The following CDHR2 variants were observed in gnomAD, a reference collection of about 807,000 sequenced individuals.
The protein encoded by CDHR2 is cadherin-related family member 2.
A neutral mutation model predicts 138.6 loss-of-function variants in CDHR2; 104 were observed. That is an observed-to-expected ratio of 0.75 (90% CI 0.64 to 0.88). CDHR2 has a LOEUF of 0.88. Among genes scored for constraint, CDHR2 ranks in the 40% least tolerant of loss-of-function variants. CDHR2 has a pLI of 0.00. For synonymous variants in CDHR2, 755 were observed against 742.8 expected (o/e 1.02, Z -0.27); for missense variants, 1,624 against 1,727.6 (o/e 0.94, Z 1.06).
chr5:176,561,570 C>T (rs915148558), intron 1 of CDHR2, among the ~76,000 whole-genome samples: 1 of 150,590 alleles, frequency 6.6e-6, no homozygotes, highest in African/African-American at 2.4e-5. Flanking sequence ...CATGGATGGG[C>T]GGAGGAGGCA....
upstream of CDHR2, among the ~76,000 whole-genome samples, chr5:176,546,829 A>C (rs953069654): frequency 2.0e-5 from 3 of 150,916 alleles, no homozygotes; most frequent in Non-Finnish European, 4.4e-5. Flanking sequence ...TAACCCCTGC[A>C]TTGTAATAGT....
intron 21 of CDHR2, among the ~76,000 whole-genome samples, chr5:176,588,712 A>T (rs560586243): frequency 3.8e-3 from 381 of 100,664 alleles, no homozygotes; most frequent in African/African-American, 6.2e-3. Context: ...TGTGTGTGTG[A>T]GTGTGTGTGT....
chr5:176,559,343 G>C (rs755152515), intron 1 of CDHR2, among the ~76,000 whole-genome samples: 1 of 152,166 alleles, frequency 6.6e-6, no homozygotes, highest in African/African-American at 2.4e-5. Flanking sequence ...TTACCGAAAA[G>C]CCCCATAACC....
intron 16 of CDHR2, among the ~76,000 whole-genome samples, chr5:176,581,069 T>C (rs1353174444): frequency 1.3e-5 from 2 of 152,310 alleles, no homozygotes; most frequent in African/African-American, 4.8e-5. Context: ...CTCTATTCTT[T>C]CTTTGCACCT....
intron 21 of CDHR2, 52 bp from the exon 22 acceptor site, chr5:176,588,979 A>T: frequency 6.3e-7 from 1 of 1,597,070 alleles, no homozygotes; most frequent in South Asian, 1.1e-5. Context: ...GCTGGGGTGG[A>T]GGGATGCCTG....
At chr5:176,581,768 G>C (rs1021326334) in intron 17 of CDHR2, among the ~76,000 whole-genome samples, 186 bp downstream of exon 17, 1 of 152,182 alleles carries the variant, frequency 6.6e-6, no homozygotes, top group Non-Finnish European at 1.5e-5. Flanking sequence ...TAAAACGGGG[G>C]TGAAAAAGGT....
intron 13 of CDHR2, 41 bp downstream of exon 13, chr5:176,577,595 G>A (rs779634293): frequency 6.2e-7 from 1 of 1,613,824 alleles, no homozygotes; most frequent in South Asian, 1.1e-5. Context: ...AAGCCGAGGG[G>A]CACTTGGGCC....
At position 176,575,224 on chromosome 5, in the gene CDHR2, C is replaced by T. The variant is rs757549117; in HGVS notation, c.621+15C>T. ...TGAAGGCCTGTGTGAGTGGGGGTGC[C>T]GGCAGGCGGGCCTAGGACCCACGGC... is the stretch of plus-strand genomic sequence containing the variant. On this transcript the variant is annotated intron_variant, in intron 8 of 31. Coordinates refer to ENST00000261944, the MANE Select transcript of CDHR2 (RefSeq NM_017675.6). 2.5e-5 allele frequency: 40 copies of T among 1,613,970 alleles called. No homozygotes were observed. The East Asian group carries it at 3.3e-4, about 13-fold the overall frequency.
chr5:176,559,293 C>G (rs1757913411), intron 1 of CDHR2, among the ~76,000 whole-genome samples: 1 of 152,184 alleles, frequency 6.6e-6, no homozygotes, highest in African/African-American at 2.4e-5. Context: ...TTTGTGACAC[C>G]ATTAATCTCC....
chr5:176,579,355 C>T (rs1758474520), intron 16 of CDHR2, among the ~76,000 whole-genome samples: 1 of 152,224 alleles, frequency 6.6e-6, no homozygotes, highest in East Asian at 1.9e-4. Flanking sequence ...TCCCATTTCT[C>T]AGGAGACAAC....
upstream of CDHR2, among the ~76,000 whole-genome samples, chr5:176,544,695 C>T (rs188720956): frequency 2.3e-3 from 352 of 152,288 alleles, 1 homozygote; most frequent in African/African-American, 7.7e-3. Context: ...GCCTCGGCCT[C>T]CCAAAGTGCT....
chr5:176,548,760 T>TA (rs370822670), upstream of CDHR2, among the ~76,000 whole-genome samples: 294 of 146,576 alleles, frequency 2.0e-3, 2 homozygotes, highest in African/African-American at 6.8e-3. Flanking sequence ...AATAAATAAT[T>TA]AAAAAAAAAA....
Position 176,575,315 on chromosome 5 carries a change from C to T in CDHR2, c.657C>T (p.Ile219=), listed in dbSNP as rs1195422179. ...LGGMYHNTFT[I]QCSLPVFLSI... ...GCATGTACCACAACACCTTCACCAT[C>T]CAGTGCTCCCTGCCTGTCTTCCTGT... Residue 219 remains isoleucine (I), a synonymous_variant, in exon 9 of 32, where the codon ATC becomes ATT. Transcript: ENST00000261944. 6.2e-7 allele frequency: 1 copy of T among 1,614,152 alleles called. No homozygotes were observed. The highest frequency in any genetic ancestry group is 8.5e-7 in the Non-Finnish European group (1 of 1,180,060).
At chr5:176,578,657 G>T (rs1758462568) in intron 16 of CDHR2, 49 bp downstream of exon 16, 1 of 1,596,966 alleles carries the variant, frequency 6.3e-7, no homozygotes, top group African/African-American at 1.3e-5. Flanking sequence ...AGGGGACCAA[G>T]CCTGCTCTGT....
chr5:176,563,760 C>T (rs1758021966), intron 1 of CDHR2, among the ~76,000 whole-genome samples: 1 of 152,196 alleles, frequency 6.6e-6, no homozygotes, highest in African/African-American at 2.4e-5. Flanking sequence ...TTTCTGGGGT[C>T]TCCTGGGCCA....
intron 30 of CDHR2, among the ~76,000 whole-genome samples, chr5:176,592,375 G>A (rs866044491): frequency 7.0e-4 from 103 of 148,124 alleles, no homozygotes; most frequent in African/African-American, 2.5e-3. Flanking sequence ...GATGGTGGTG[G>A]TGATGGTTAT....
upstream of CDHR2, among the ~76,000 whole-genome samples, chr5:176,546,141 G>T (rs1358176130): frequency 6.6e-6 from 1 of 152,168 alleles, no homozygotes; most frequent in Non-Finnish European, 1.5e-5. Context: ...TCTTCTTACT[G>T]GTTAAGCCAC....
chr5:176,568,411 G>A (rs954961070), intron 3 of CDHR2, among the ~76,000 whole-genome samples: 4 of 152,256 alleles, frequency 2.6e-5, no homozygotes, highest in African/African-American at 7.2e-5. Context: ...ATTCTGGAGA[G>A]GGCAGGGCCA....
In CDHR2 at chr5:176,543,290, C is replaced by T. The variant is rs189358488; in HGVS notation, c.-16+521C>T. Among the ~76,000 whole-genome samples the T allele has an allele frequency of 0.014, 2,096 of 146,810 alleles. 43 individuals carry two copies. Among genetic ancestry groups the T allele is most frequent in the African/African-American group, 0.048 (1,965 of 40,906 alleles). ...GGCCGCGGCGGGGCTCCACCCCCAC[C>T]CGGCGGCCGGCGCGTCGCTCCCGCT... On this transcript the variant is annotated intron_variant, in intron 1 of 31. Coordinates refer to the CDHR2 transcript ENST00000510636. The surrounding 1 kb of genome is among the most constrained non-coding windows in gnomAD (Gnocchi z 4.0).
Sources: gnomAD v4.1 joint callset for allele counts (sites outside exome capture counted in the v4.1 genomes callset) on GRCh38, gnomAD v4.1.1 for gene constraint, Gnocchi (gnomAD v3.1) non-coding constraint, MANE v1.5 for transcripts, NCBI Gene and HGNC (gene_info 2026-07-23, HGNC 2026-07-21) for gene names.